The following CDH17 variants were observed in gnomAD, a reference collection of about 807,000 sequenced individuals.
CDH17 encodes the protein cadherin 17, also known as cadherin-17.
Under a neutral mutation model 86.3 loss-of-function variants are expected in CDH17, and 67 were observed. That is an observed-to-expected ratio of 0.78 (90% CI 0.64 to 0.95). The LOEUF (loss-of-function observed/expected upper bound fraction) is 0.95, where lower values mean the gene tolerates loss of function less well. Among genes scored for constraint, CDH17 ranks in the 40% least tolerant of loss-of-function variants. The pLI, the probability that CDH17 is intolerant of heterozygous loss-of-function variation, is 0.00. For missense variants in CDH17, 993 were observed against 1,017.6 expected (o/e 0.98, Z 0.33); for synonymous variants, 367 against 366.4 (o/e 1.00, Z -0.02).
intron 2 of CDH17, among the ~76,000 whole-genome samples, chr8:94,193,686 T>C (rs1212688126): frequency 6.6e-6 from 1 of 152,136 alleles, no homozygotes; most frequent in Non-Finnish European, 1.5e-5. Flanking sequence ...GGATGTTTGA[T>C]CCAGCCCTTC....
In CDH17 at chr8:94,201,216, C is replaced by G. The variant is rs146393456; in HGVS notation, c.-20-6511G>C. On this transcript the variant is annotated intron_variant, in intron 1 of 17. Transcript: ENST00000027335. ...AGTTTTGTTTCTACTGCAAATGTAT[C>G]TCTGTGTCTCACTATTTCTCCTCAT... Among the ~76,000 whole-genome samples the G allele has an allele frequency of 1.1e-4, 17 of 152,132 alleles. 1 individual carries two copies. Among genetic ancestry groups the G allele is most frequent in the Admixed American group, 8.5e-4 (13 of 15,276 alleles).
intron 2 of CDH17, among the ~76,000 whole-genome samples, chr8:94,191,732 G>A (rs1813694808): frequency 6.6e-6 from 1 of 152,156 alleles, no homozygotes; most frequent in Non-Finnish European, 1.5e-5. Context: ...GGGATTACAG[G>A]CATGAGCAAC....
At chr8:94,204,213 G>C (rs1274832913) in intron 1 of CDH17, among the ~76,000 whole-genome samples, 1 of 152,032 alleles carries the variant, frequency 6.6e-6, no homozygotes, top group Non-Finnish European at 1.5e-5. Flanking sequence ...GTATAGACGT[G>C]CCATGGTGGT....
At chr8:94,184,679 C>T (rs561316017) in intron 3 of CDH17, among the ~76,000 whole-genome samples, 27 of 151,996 alleles carry the variant, frequency 1.8e-4, no homozygotes, top group African/African-American at 6.5e-4. Flanking sequence ...TTTTTAGATA[C>T]TAAAAACTAC....
intron 15 of CDH17, among the ~76,000 whole-genome samples, chr8:94,139,571 G>T (rs1284276761): frequency 6.6e-6 from 1 of 152,098 alleles, no homozygotes; most frequent in Non-Finnish European, 1.5e-5. Flanking sequence ...AGCACCCAGA[G>T]AAAAAAGAAT....
intron 1 of CDH17, among the ~76,000 whole-genome samples, chr8:94,215,326 T>C (rs995289240): frequency 1.5e-4 from 23 of 152,266 alleles, no homozygotes; most frequent in Non-Finnish European, 2.6e-4. Context: ...TAAAAAGATA[T>C]GAAATACTGA....
Position 94,194,743 on chromosome 8 carries a change from G to A in CDH17, c.-20-38C>T, listed in dbSNP as rs1813750287. ...CAGATAAAAAAATGGTTAGTTACCAGTCTGTTAAAATCATGTCTTTCCAAT... is the reference window on the plus strand; with the variant it reads ...CAGATAAAAAAATGGTTAGTTACCAATCTGTTAAAATCATGTCTTTCCAAT... On this transcript the variant is annotated intron_variant, in intron 1 of 17. Coordinates refer to ENST00000027335, the MANE Select transcript of CDH17 (RefSeq NM_004063.4). 4.6e-6 allele frequency: 5 copies of A among 1,079,284 alleles called. No individual in the cohort carries two copies. The South Asian group carries it at 5.3e-5, about 11-fold the overall frequency. The allele number at this position is 1,079,284 out of a possible 1,614,324, so 66.9% of individuals were successfully genotyped here.
At chr8:94,204,653 T>C (rs1336480857) in intron 1 of CDH17, among the ~76,000 whole-genome samples, 2 of 152,230 alleles carry the variant, frequency 1.3e-5, no homozygotes, top group African/African-American at 2.4e-5. Flanking sequence ...ATCCTTTGGG[T>C]ATATACCCAG....
chr8:94,177,101 G>C (rs1466244059), intron 4 of CDH17, among the ~76,000 whole-genome samples: 1 of 152,180 alleles, frequency 6.6e-6, no homozygotes, highest in Non-Finnish European at 1.5e-5. Flanking sequence ...TAGGTATTCA[G>C]ATACCAACGG....
At chr8:94,152,879 G>T (rs754904761) in intron 12 of CDH17, among the ~76,000 whole-genome samples, 16 of 152,130 alleles carry the variant, frequency 1.1e-4, no homozygotes, top group Non-Finnish European at 1.5e-4. Flanking sequence ...TGTTGGCCAG[G>T]CTGGTCTCAA....
intron 1 of CDH17, among the ~76,000 whole-genome samples, chr8:94,207,768 C>G (rs1343311360): frequency 1.3e-5 from 2 of 152,114 alleles, no homozygotes; most frequent in Non-Finnish European, 2.9e-5. Context: ...AAGACCAAGA[C>G]AGAGGCAAAT....
rs1813634745 is a variant in CDH17 at position 94,189,035 on chromosome 8, A to ATC, written c.150+150_150+151dup. 2.0e-5 allele frequency: 13 copies of ATC among 647,210 alleles called. No homozygotes were observed. In the South Asian group the frequency reaches 2.4e-4, roughly 12 times the overall value. The allele number at this position is 647,210 out of a possible 1,614,324, so 40.1% of individuals were successfully genotyped here. A position where few individuals can be genotyped will look rare whatever the true frequency, so the allele number is the denominator to read the frequency against. ...AATTCTTATGATACTGAGGCCACTCATCTCTCTGTTTAACTTAGCTTCTGA... is the reference window on the plus strand; with the variant it reads ...AATTCTTATGATACTGAGGCCACTCATCTCTCTCTGTTTAACTTAGCTTCTGA... On this transcript the variant is annotated intron_variant, in intron 3 of 17. Coordinates refer to ENST00000027335, the MANE Select transcript of CDH17 (RefSeq NM_004063.4).
chr8:94,147,119 A>G (rs922869767), intron 14 of CDH17, among the ~76,000 whole-genome samples: 1 of 152,168 alleles, frequency 6.6e-6, no homozygotes, highest in Non-Finnish European at 1.5e-5. Context: ...AGAATGTGAG[A>G]AACTCTTGGG....
chr8:94,181,329 A>G (rs1194516435), intron 3 of CDH17, among the ~76,000 whole-genome samples: 1 of 152,200 alleles, frequency 6.6e-6, no homozygotes, highest in African/African-American at 2.4e-5. Flanking sequence ...ACCAATTAGA[A>G]GCTAACAAAC....
intron 2 of CDH17, 101 bp downstream of exon 2, chr8:94,194,534 T>C: frequency 1.3e-6 from 1 of 793,044 alleles, no homozygotes; most frequent in South Asian, 1.5e-5. Flanking sequence ...ATAGGTCATC[T>C]TTTTTTAAGT....
chr8:94,176,803 C>T, intron 4 of CDH17, 124 bp from the exon 5 acceptor site: 1 of 984,824 alleles, frequency 1.0e-6, no homozygotes, highest in South Asian at 1.8e-5. Context: ...AGAGAAAGAA[C>T]TCACAAAAGG....
At chr8:94,185,656 C>A (rs1286826545) in intron 3 of CDH17, among the ~76,000 whole-genome samples, 1 of 152,040 alleles carries the variant, frequency 6.6e-6, no homozygotes, top group Non-Finnish European at 1.5e-5. Flanking sequence ...TCAGAAGTAG[C>A]CACAAACTTT....
chr8:94,199,063 ATATATATATATATATATATATTTTT>A lies in CDH17; in HGVS notation c.-20-4383_-20-4359del, dbSNP rs1454907801. Among the ~76,000 whole-genome samples, 138 of 21,236 alleles carry A rather than the reference ATATATATATATATATATATATTTTT, an allele frequency of 6.5e-3. 2 individuals are homozygous for A. Among genetic ancestry groups the A allele is most frequent in the Non-Finnish European group, 0.01 (73 of 7,186 alleles). 13.9% of individuals were successfully genotyped at this position (21,236 alleles called of 152,430 possible). ...GATATATATATATATATATATATAT[ATATATATATATATATATATATTTTT>A]TTTTTTTTATCATTTGTCTGTTAGC... On this transcript the variant is annotated intron_variant, in intron 1 of 17. Coordinates refer to ENST00000027335, the MANE Select transcript of CDH17 (RefSeq NM_004063.4).
At chr8:94,201,385 T>C (rs543329545) in intron 1 of CDH17, among the ~76,000 whole-genome samples, 3 of 152,330 alleles carry the variant, frequency 2.0e-5, no homozygotes, top group African/African-American at 7.2e-5. Context: ...TTGGAGTCTT[T>C]ACAGAGGTAA....
Sources: allele counts gnomAD v4.1 joint callset (sites outside exome capture counted in the v4.1 genomes callset), GRCh38; gene constraint gnomAD v4.1.1; transcripts MANE v1.5; gene names NCBI Gene and HGNC (gene_info 2026-07-23, HGNC 2026-07-21).